The following SND1 variants were observed in gnomAD, a reference collection of about 807,000 sequenced individuals.
SND1 encodes staphylococcal nuclease domain-containing protein 1.
SND1 carries 38 observed loss-of-function variants against 121.7 expected under a neutral mutation model. The ratio of observed to expected loss-of-function variants is 0.31; its 90% CI spans 0.24 to 0.41. SND1 has a LOEUF of 0.41. Ranked by LOEUF, SND1 falls within the 10% of genes least tolerant of loss-of-function variation. The pLI is 1.00. For synonymous variants in SND1, 401 were observed against 447.4 expected, an observed-to-expected ratio of 0.90 and a Z score of 1.31; for missense variants, 868 against 1,184.6, an observed-to-expected ratio of 0.73 and a Z score of 3.92.
Position 128,075,251 on chromosome 7 carries a change from A to G in SND1, c.1968+561A>G, listed in dbSNP as rs138960325. 5.1e-3 allele frequency among the ~76,000 whole-genome samples: 774 copies of G among 152,312 alleles called. 7 individuals carry two copies. Among genetic ancestry groups the G allele is most frequent in the African/African-American group, 0.018 (735 of 41,584 alleles). The stretch of plus-strand genomic sequence containing the variant: ...AAACCAATTGACAATTGAGGAATGC[A>G]GTGATTTGGAGGTGGGAGCCGGGCT... On this transcript the variant is annotated intron_variant, in intron 17 of 23. Transcript: ENST00000354725.
Position 127,652,428 on chromosome 7 carries a change from G to C in SND1, c.55G>C (p.Val19Leu), listed in dbSNP as rs904885616. ...CTCCGGGGGACCCGCGGTCCCCACC[G>C]TGCAGCGGGGCATCATCAAGATGGT... ...GSSGGPAVPT[V>L]QRGIIKMVLS... The change falls in exon 1 of 24, where the codon GTG (valine) becomes CTG (leucine). Residue 19 changes from valine (V) to leucine (L), a missense_variant. Transcript: ENST00000354725. 5 of 1,586,738 alleles carry C rather than the reference G, an allele frequency of 3.2e-6. No individual in the cohort carries two copies. Among genetic ancestry groups the C allele is most frequent in the Non-Finnish European group, 3.4e-6 (4 of 1,167,056 alleles).
intron 15 of SND1, among the ~76,000 whole-genome samples, chr7:127,986,524 G>C (rs1802394492): frequency 6.6e-6 from 1 of 152,252 alleles, no homozygotes; most frequent in African/African-American, 2.4e-5. Flanking sequence ...CTGATGGCTA[G>C]CAATGAATTT....
chr7:127,881,918 C>T (rs1346673918), intron 12 of SND1, among the ~76,000 whole-genome samples: 4 of 152,098 alleles, frequency 2.6e-5, no homozygotes, highest in East Asian at 1.9e-4. Flanking sequence ...GAATTATAGG[C>T]GTGAGCCACC....
At position 127,652,408 on chromosome 7, in the gene SND1, G is replaced by A. The variant is rs1361541068; in HGVS notation, c.35G>A (p.Gly12Glu). ...ASSAQSGGSS[G>E]GPAVPTVQRG... Reference sequence around the variant, plus strand: ...TCCGCGCAGAGCGGCGGCTCCTCCGGGGGACCCGCGGTCCCCACCGTGCAG... The same window carrying A: ...TCCGCGCAGAGCGGCGGCTCCTCCGAGGGACCCGCGGTCCCCACCGTGCAG... Residue 12 changes from glycine (G) to glutamate (E), a missense_variant, in exon 1 of 24, where the codon GGG (glycine) becomes GAG (glutamate). Physicochemically the swap from Gly to Glu is moderately conservative, Grantham distance 98. This residue lies in a region of SND1 where 125 missense variants were observed against 113.3 expected (regional missense o/e 1.10). Transcript: ENST00000354725. The A allele has an allele frequency of 3.2e-6, 5 of 1,569,284 alleles. No individual in the cohort carries two copies. In the South Asian group the frequency reaches 4.8e-5, roughly 15 times the overall value.
At chr7:127,825,535 G>A (rs1262392570) in intron 11 of SND1, among the ~76,000 whole-genome samples, 1 of 151,916 alleles carries the variant, frequency 6.6e-6, no homozygotes, top group Non-Finnish European at 1.5e-5. Context: ...AACCTCCCGA[G>A]TAGCTGGGAT....
At chr7:127,998,819 C>T (rs1456919264) in intron 16 of SND1, 2 of 152,276 alleles carry the variant, frequency 1.3e-5, no homozygotes, top group Admixed American at 1.3e-4. Flanking sequence ...CAGCTTTTAA[C>T]GCCTGGAAGT....
intron 7 of SND1, 143 bp downstream of exon 7, chr7:127,703,466 C>T: frequency 3.0e-6 from 3 of 996,406 alleles, no homozygotes; most frequent in South Asian, 1.7e-5. Context: ...GTAATCCCAC[C>T]ACTTTGGGAG....
At position 128,029,225 on chromosome 7, in the gene SND1, C is replaced by A. The variant is rs369764530; in HGVS notation, c.1779+38169C>A. ...TGGACGTGGTAGGAACAGGCTTGTA[C>A]TTTCGCGTTGTGTCCTCAGGCGAGA... On this transcript the variant is annotated intron_variant, in intron 16 of 23. Coordinates refer to ENST00000354725, the MANE Select transcript of SND1 (RefSeq NM_014390.4). The surrounding 1 kb of genome is among the most constrained non-coding windows in gnomAD (Gnocchi z 4.2). The A allele has an allele frequency of 6.2e-7, 1 of 1,614,098 alleles. No homozygotes were observed. The highest frequency in any genetic ancestry group is 8.5e-7 in the Non-Finnish European group (1 of 1,180,036).
intron 15 of SND1, among the ~76,000 whole-genome samples, chr7:127,955,870 A>G (rs1489587541): frequency 1.3e-5 from 2 of 152,082 alleles, no homozygotes; most frequent in African/African-American, 2.4e-5. Flanking sequence ...TAAGACATAC[A>G]TGGCCTTCAT....
At chr7:127,774,766 G>T (rs1411962956) in intron 10 of SND1, among the ~76,000 whole-genome samples, 1 of 151,860 alleles carries the variant, frequency 6.6e-6, no homozygotes, top group African/African-American at 2.4e-5. Context: ...TTTAGTAGAG[G>T]CAGGGTTTTG....
chr7:127,665,338 C>T lies in SND1; in HGVS notation c.78+12887C>T, dbSNP rs534743738. On this transcript the variant is annotated intron_variant, in intron 1 of 23. Coordinates refer to ENST00000354725, the MANE Select transcript of SND1 (RefSeq NM_014390.4). ...CATAGCTGGGACTACAGGCGCCCGC[C>T]ACCACGCCCGGCCAATTTTTTTGTA... Among the ~76,000 whole-genome samples the T allele has an allele frequency of 9.9e-5, 15 of 152,168 alleles. No homozygotes were observed. The East Asian group carries it at 2.5e-3, about 26-fold the overall frequency.
intron 11 of SND1, among the ~76,000 whole-genome samples, chr7:127,814,940 T>TA (rs1273900864): frequency 2.6e-5 from 4 of 152,194 alleles, no homozygotes; most frequent in African/African-American, 9.7e-5. Flanking sequence ...AGTTGTAAGT[T>TA]AAAAAATGAG....
intron 13 of SND1, among the ~76,000 whole-genome samples, chr7:127,890,696 G>C (rs969912374): frequency 6.6e-6 from 1 of 152,144 alleles, no homozygotes; most frequent in Non-Finnish European, 1.5e-5. Context: ...GTTAGAAATA[G>C]CCATGTTTTG....
At chr7:127,950,857 G>T (rs1450247905) in intron 15 of SND1, among the ~76,000 whole-genome samples, 1 of 152,160 alleles carries the variant, frequency 6.6e-6, no homozygotes, top group Non-Finnish European at 1.5e-5. Context: ...AAGATAGCAA[G>T]TATGAGCAAG....
chr7:127,668,614 A>G (rs186599684), intron 1 of SND1, among the ~76,000 whole-genome samples: 150 of 152,344 alleles, frequency 9.8e-4, no homozygotes, highest in African/African-American at 3.2e-3. Flanking sequence ...GGAGATGACA[A>G]CAACAATTGA....
intron 14 of SND1, among the ~76,000 whole-genome samples, chr7:127,923,905 C>T (rs1800776223): frequency 6.6e-6 from 1 of 151,842 alleles, no homozygotes. Context: ...TTTCCTGTGT[C>T]TGTCCTCTTG....
chr7:128,024,707 A>G (rs1000085506), intron 16 of SND1, among the ~76,000 whole-genome samples: 1 of 152,192 alleles, frequency 6.6e-6, no homozygotes, highest in Non-Finnish European at 1.5e-5. Flanking sequence ...TAGCCTATCT[A>G]CCTTTACCTC....
intron 16 of SND1, among the ~76,000 whole-genome samples, chr7:128,012,647 G>T (rs962497177): frequency 3.9e-5 from 6 of 152,076 alleles, no homozygotes; most frequent in African/African-American, 1.4e-4. Flanking sequence ...TTTTGCTCTG[G>T]CTGGTCAGCA....
At chr7:127,938,564 G>T (rs1801115269) in intron 15 of SND1, among the ~76,000 whole-genome samples, 1 of 152,182 alleles carries the variant, frequency 6.6e-6, no homozygotes, top group Non-Finnish European at 1.5e-5. Flanking sequence ...TTTTCTTTGG[G>T]CAGACTGGGT....
Sources: allele counts gnomAD v4.1 joint callset (sites outside exome capture counted in the v4.1 genomes callset), GRCh38; gene constraint gnomAD v4.1.1; regional missense constraint gnomAD v4.1.1; non-coding constraint Gnocchi (gnomAD v3.1); transcripts MANE v1.5; gene names NCBI Gene and HGNC (gene_info 2026-07-23, HGNC 2026-07-21).